Variants in RABEP1 observed in about 807,000 individuals in gnomAD.
RABEP1 encodes the protein rab GTPase-binding effector protein 1.
Under a neutral mutation model 123.4 loss-of-function variants are expected in RABEP1, and 51 were observed. The ratio of observed to expected loss-of-function variants is 0.41; its 90% CI spans 0.33 to 0.52. RABEP1 has a LOEUF of 0.52. Ranked by LOEUF, RABEP1 falls within the 20% of genes least tolerant of loss-of-function variation. The probability of loss-of-function intolerance (pLI) is 0.16; values close to 1 mark genes in which losing one functional copy is unlikely to be tolerated. For synonymous variants in RABEP1, 347 were observed against 355.2 expected, an observed-to-expected ratio of 0.98 and a Z score of 0.26; for missense variants, 888 against 996.3, an observed-to-expected ratio of 0.89 and a Z score of 1.46.
Position 5,383,566 on chromosome 17 carries a change from G to GTAGTGTTTGGAATTTTCTGTTCATA in RABEP1, c.*344_*368dup, listed in dbSNP as rs56107242. 59 of 305,060 alleles carry GTAGTGTTTGGAATTTTCTGTTCATA rather than the reference G, an allele frequency of 1.9e-4. No individual in the cohort carries two copies. The highest frequency in any genetic ancestry group is 2.9e-4 in the Non-Finnish European group (47 of 161,526). 18.9% of individuals were successfully genotyped at this position (305,060 alleles called of 1,614,324 possible). On this transcript the variant is annotated 3_prime_UTR_variant, in exon 18 of 18. Coordinates refer to ENST00000537505, the MANE Select transcript of RABEP1 (RefSeq NM_004703.6). ...TTCCCTACCCTAAAGCGACATCCCAGTAGTGTTTGGAATTTTCTGTTCATA... is the reference window on the plus strand; with the variant it reads ...TTCCCTACCCTAAAGCGACATCCCAGTAGTGTTTGGAATTTTCTGTTCATATAGTGTTTGGAATTTTCTGTTCATA...
At chr17:5,290,055 T>G (rs1037167208) in intron 1 of RABEP1, among the ~76,000 whole-genome samples, 1 of 152,214 alleles carries the variant, frequency 6.6e-6, no homozygotes, top group Non-Finnish European at 1.5e-5. Flanking sequence ...TCTCTTCTTA[T>G]GTAGTCATTA....
chr17:5,282,330 G>A lies in RABEP1; in HGVS notation c.-157G>A, dbSNP rs1325198422. ...TCGGCGGTCGGGTCCGTCTCTGCCC[G>A]CGGCTGTGGCGGCGCCGGCGGATCC... is the stretch of plus-strand genomic sequence containing the variant. On this transcript the variant is annotated 5_prime_UTR_variant, in exon 1 of 18. Transcript: ENST00000537505. 8 of 505,752 alleles carry A rather than the reference G, an allele frequency of 1.6e-5. No individual in the cohort carries two copies. The highest frequency in any genetic ancestry group is 4.4e-5 in the Admixed American group (1 of 22,748). The allele number at this position is 505,752 out of a possible 1,614,324, so 31.3% of individuals were successfully genotyped here.
chr17:5,366,578 TG>T (rs1910013262), intron 11 of RABEP1, among the ~76,000 whole-genome samples: 1 of 152,028 alleles, frequency 6.6e-6, no homozygotes, highest in Non-Finnish European at 1.5e-5. Context: ...CCTGAGTAGC[TG>T]GGATTACAGG....
At chr17:5,316,832 C>CAAAAAAAAAAAAA (rs55890740) in intron 2 of RABEP1, among the ~76,000 whole-genome samples, 3 of 67,184 alleles carry the variant, frequency 4.5e-5, no homozygotes, top group African/African-American at 5.9e-5. Context: ...GACTCTGTCT[C>CAAAAAAAAAAAAA]AAAAAAAAAA....
At chr17:5,287,804 C>CAGG (rs1051995799) in intron 1 of RABEP1, among the ~76,000 whole-genome samples, 1 of 151,672 alleles carries the variant, frequency 6.6e-6, no homozygotes, top group Non-Finnish European at 1.5e-5. Flanking sequence ...CCCAGCTACT[C>CAGG]AGGAGGCTGA....
intron 1 of RABEP1, among the ~76,000 whole-genome samples, chr17:5,289,104 A>G (rs1026085654): frequency 6.6e-6 from 1 of 150,510 alleles, no homozygotes; most frequent in Non-Finnish European, 1.5e-5. Context: ...CCTTTCATCC[A>G]TTTTTTTCTT....
chr17:5,374,121 C>T (rs948467093), intron 13 of RABEP1, among the ~76,000 whole-genome samples: 6 of 152,136 alleles, frequency 3.9e-5, no homozygotes, highest in African/African-American at 1.4e-4. Context: ...GGCTGGAGTG[C>T]AATGGCATCA....
intron 16 of RABEP1, 77 bp from the exon 17 acceptor site, chr17:5,381,312 G>A (rs1911431537): frequency 1.3e-6 from 2 of 1,558,864 alleles, no homozygotes; most frequent in Non-Finnish European, 1.7e-6. Flanking sequence ...CTAGTAGTAG[G>A]TAACTACAAG....
At chr17:5,316,991 G>C (rs759836117) in intron 2 of RABEP1, among the ~76,000 whole-genome samples, 1 of 151,912 alleles carries the variant, frequency 6.6e-6, no homozygotes, top group Non-Finnish European at 1.5e-5. Context: ...TGCAACCTCT[G>C]CTTCCCAGGT....
intron 17 of RABEP1, among the ~76,000 whole-genome samples, chr17:5,382,853 G>C (rs975038856): frequency 2.0e-5 from 3 of 152,022 alleles, no homozygotes; most frequent in Non-Finnish European, 4.4e-5. Flanking sequence ...CCGGGAGGTG[G>C]AGACTACAGT....
intron 12 of RABEP1, 56 bp from the exon 13 acceptor site, chr17:5,373,258 T>G: frequency 6.4e-7 from 1 of 1,553,968 alleles, no homozygotes; most frequent in Non-Finnish European, 8.7e-7. Flanking sequence ...CTGGTGTAGC[T>G]ATCACCAGAC....
chr17:5,323,600 C>A (rs1266641946), intron 2 of RABEP1, among the ~76,000 whole-genome samples: 2 of 150,972 alleles, frequency 1.3e-5, no homozygotes, highest in African/African-American at 4.9e-5. Flanking sequence ...ACAATGGCTA[C>A]AAAACACACA....
intron 1 of RABEP1, among the ~76,000 whole-genome samples, chr17:5,308,319 G>C (rs1184566560): frequency 6.6e-6 from 1 of 150,380 alleles, no homozygotes; most frequent in Non-Finnish European, 1.5e-5. Context: ...TCCGCCTCCC[G>C]GGTTCAAGCG....
intron 2 of RABEP1, among the ~76,000 whole-genome samples, chr17:5,320,525 G>T (rs2075345213): frequency 6.7e-6 from 1 of 149,936 alleles, no homozygotes; most frequent in Non-Finnish European, 1.5e-5. Context: ...CTAGTATAAA[G>T]CCCAAAAGAC....
chr17:5,285,890 T>C (rs907958479), intron 1 of RABEP1, among the ~76,000 whole-genome samples: 2 of 152,214 alleles, frequency 1.3e-5, no homozygotes, highest in Admixed American at 6.5e-5. Context: ...GTACCAGGCA[T>C]GATTTATGGC....
At position 5,286,508 on chromosome 17, in the gene RABEP1, T is replaced by C. The variant is rs901099812; in HGVS notation, c.34+3988T>C. Among the ~76,000 whole-genome samples, 7 of 118,040 alleles carry C rather than the reference T, an allele frequency of 5.9e-5. No homozygotes were observed. In the East Asian group the frequency reaches 5.0e-3, roughly 84 times the overall value. The allele number at this position is 118,040 out of a possible 152,430, so 77.4% of individuals were successfully genotyped here. The stretch of plus-strand genomic sequence containing the variant: ...GACTCTGTCTCAAAAAAAAAAGAGT[T>C]GTATTGTTCAATTAACAAGTATTTG... On this transcript the variant is annotated intron_variant, in intron 1 of 17. Transcript: ENST00000537505.
At chr17:5,362,858 G>C (rs1034538718) in intron 9 of RABEP1, 54 bp from the exon 10 acceptor site, 1 of 1,157,538 alleles carries the variant, frequency 8.6e-7, no homozygotes, top group Non-Finnish European at 1.3e-6. Flanking sequence ...TGTACCTCAA[G>C]TGTGTGATGT....
At chr17:5,317,854 G>A (rs540575214) in intron 2 of RABEP1, among the ~76,000 whole-genome samples, 4 of 152,082 alleles carry the variant, frequency 2.6e-5, no homozygotes, top group African/African-American at 9.7e-5. Context: ...AGGAGCTAAA[G>A]GTTAAGTTGA....
intron 1 of RABEP1, among the ~76,000 whole-genome samples, chr17:5,305,874 C>T (rs2075175055): frequency 6.6e-6 from 1 of 152,102 alleles, no homozygotes; most frequent in Non-Finnish European, 1.5e-5. Flanking sequence ...GTTATCAAAC[C>T]TTCAGTTGAC....
Sources: allele counts gnomAD v4.1 joint callset (sites outside exome capture counted in the v4.1 genomes callset), GRCh38; gene constraint gnomAD v4.1.1; transcripts MANE v1.5; gene names NCBI Gene and HGNC (gene_info 2026-07-23, HGNC 2026-07-21).